ATAD2: variants seen among roughly 807,000 people sequenced by gnomAD.
ATAD2 encodes ATPase family AAA domain containing 2, also known as ATPase family AAA domain-containing protein 2.
ATAD2 carries 62 observed loss-of-function variants against 168.9 expected under a neutral mutation model. That is an observed-to-expected ratio of 0.37 (90% CI 0.30 to 0.45). ATAD2 has a LOEUF of 0.45. ATAD2 is among the 20% of genes least tolerant of loss of function. The probability of loss-of-function intolerance (pLI) is 1.00; values close to 1 mark genes in which losing one functional copy is unlikely to be tolerated. For synonymous variants in ATAD2, 613 were observed against 571.6 expected (o/e 1.07, Z -1.03); for missense variants, 1,419 against 1,667.8 (o/e 0.85, Z 2.60).
At chr8:123,345,093 A>T in intron 18 of ATAD2, 24 bp from the exon 19 acceptor site, 1 of 1,568,502 alleles carries the variant, frequency 6.4e-7, no homozygotes, top group Non-Finnish European at 8.7e-7. Context: ...AACAAAACAA[A>T]TTCAGTTAGA....
chr8:123,393,899 A>G (rs980615934), intron 1 of ATAD2, among the ~76,000 whole-genome samples: 5 of 152,292 alleles, frequency 3.3e-5, no homozygotes, highest in African/African-American at 1.2e-4. Context: ...CCTGGGTGAC[A>G]GAGCAAGATT....
At chr8:123,355,857 A>C (rs1828625303) in intron 13 of ATAD2, among the ~76,000 whole-genome samples, 1 of 152,178 alleles carries the variant, frequency 6.6e-6, no homozygotes, top group African/African-American at 2.4e-5. Context: ...TTCTATCATG[A>C]GTTAAATCTT....
chr8:123,400,077 C>G (rs936337250), upstream of ATAD2, among the ~76,000 whole-genome samples: 1 of 150,758 alleles, frequency 6.6e-6, no homozygotes, highest in Non-Finnish European at 1.5e-5. This position sits in a 1 kb window ranked among gnomAD's most constrained non-coding sequence, Gnocchi z 4.5. Context: ...GGCAGGAGAA[C>G]TGCTTGAACC....
intron 4 of ATAD2, 35 bp downstream of exon 4, chr8:123,371,635 G>A: frequency 6.4e-7 from 1 of 1,560,706 alleles, no homozygotes. Context: ...GTCTCTGACA[G>A]ATAAATCATC....
chr8:123,321,987 C>CTTTTTTTTTTTTTTTTTTTTT (rs869048943), intron 27 of ATAD2, among the ~76,000 whole-genome samples: 4 of 136,472 alleles, frequency 2.9e-5, no homozygotes, highest in African/African-American at 1.1e-4. Flanking sequence ...GTACATAAGT[C>CTTTTTTTTTTTTTTTTTTTTT]TTTTTTTTTT....
chr8:123,406,175 G>A (rs573688779), intron 1 of ATAD2, among the ~76,000 whole-genome samples: 6 of 152,088 alleles, frequency 3.9e-5, no homozygotes, highest in Non-Finnish European at 7.4e-5. Context: ...CCAGGAGTTC[G>A]AGACTAGCCT....
chr8:123,368,620 T>C lies in ATAD2; in HGVS notation c.1049+438A>G, dbSNP rs182220548. On this transcript the variant is annotated intron_variant, in intron 8 of 27. Transcript: ENST00000287394. ...ATCCAGAAAAAGATAACCAGAGTCA[T>C]GAAAGGTCTAGAGGCCATGTAGCTT... Among the ~76,000 whole-genome samples, 782 of 152,246 alleles carry C rather than the reference T, an allele frequency of 5.1e-3. 1 individual carries two copies. The highest frequency in any genetic ancestry group is 9.1e-3 in the Non-Finnish European group (619 of 67,994).
At chr8:123,333,287 A>G (rs1307199241) in intron 24 of ATAD2, among the ~76,000 whole-genome samples, 3 of 146,730 alleles carry the variant, frequency 2.0e-5, no homozygotes, top group African/African-American at 7.5e-5. Context: ...GCGGGTGCCT[A>G]TAGTCCCAGC....
chr8:123,328,231 C>G lies in ATAD2; in HGVS notation c.3827G>C (p.Ser1276Thr). ...DKIACNGDAS[S>T]SQIIHISDEN... ...ATCAGAAATATGTATTATCTGAGAG[C>G]TAGAAGCATCTCCATTACAAGCAAT... Residue 1276 changes from serine (S) to threonine (T), a missense_variant, in exon 25 of 28, where the codon AGC becomes ACC. Ser to Thr is a moderately conservative substitution (Grantham distance 58). Around this residue, in one of 5 missense-constraint regions of ATAD2, gnomAD observed 303 missense variants for 304.3 expected, o/e 1.00. Transcript: ENST00000287394. The G allele has an allele frequency of 1.4e-6, 2 of 1,469,876 alleles. No homozygotes were observed. The highest frequency in any genetic ancestry group is 9.0e-7 in the Non-Finnish European group (1 of 1,111,590). 91.1% of individuals were successfully genotyped at this position (1,469,876 alleles called of 1,614,324 possible). A position where few individuals can be genotyped will look rare whatever the true frequency, so the allele number is the denominator to read the frequency against.
intron 19 of ATAD2, 99 bp downstream of exon 19, chr8:123,344,785 T>C: frequency 1.5e-6 from 2 of 1,310,434 alleles, no homozygotes; most frequent in South Asian, 2.5e-5. Flanking sequence ...TATCCTTTTA[T>C]TCACTTCTAC....
chr8:123,325,468 A>G (rs1199548573), intron 26 of ATAD2, among the ~76,000 whole-genome samples: 1 of 151,992 alleles, frequency 6.6e-6, no homozygotes, highest in Non-Finnish European at 1.5e-5. Flanking sequence ...TTGTATTTTT[A>G]GTAGAGATGG....
Position 123,344,928 on chromosome 8 carries a change from G to C in ATAD2, c.2674C>G (p.Leu892Val). 6.2e-7 allele frequency: 1 copy of C among 1,614,128 alleles called. No individual in the cohort carries two copies. Among genetic ancestry groups the C allele is most frequent in the Non-Finnish European group, 8.5e-7 (1 of 1,180,002 alleles). Residue 892 changes from leucine to valine, a missense_variant, in exon 19 of 28, where the codon CTA becomes GTA. Around this residue, in one of 5 missense-constraint regions of ATAD2, gnomAD observed 545 missense variants for 724.9 expected, o/e 0.75. Coordinates refer to ENST00000287394, the MANE Select transcript of ATAD2 (RefSeq NM_014109.4). ...QNIPSFAPVL[L>V]LATSDKPHSA... ...TGGGGTTTGTCAGAAGTTGCAAGTA[G>C]TAAAACTGGAGCAAATGAAGGAATA... is the stretch of plus-strand genomic sequence containing the variant.
In ATAD2 at chr8:123,336,482, T is replaced by C; in HGVS notation, c.3102A>G (p.Val1034=). ...ACTTGTGTAGATCAATTTTACTGAT[T>C]ACAGATGAAAGGTCCATTGGTTGCT... is the stretch of plus-strand genomic sequence containing the variant. ...VIKQPMDLSS[V]ISKIDLHKYL... The change falls in exon 22 of 28, where the codon GTA becomes GTG. Residue 1034 remains valine, a synonymous_variant. Transcript: ENST00000287394. 6.5e-7 allele frequency: 1 copy of C among 1,547,136 alleles called. No individual in the cohort carries two copies. Among genetic ancestry groups the C allele is most frequent in the Non-Finnish European group, 8.7e-7 (1 of 1,155,508 alleles).
intron 1 of ATAD2, among the ~76,000 whole-genome samples, chr8:123,381,597 A>G (rs1376793585): frequency 6.6e-6 from 1 of 152,228 alleles, no homozygotes; most frequent in Admixed American, 6.5e-5. Context: ...AGTACAATAA[A>G]TAGACTAGAG....
At chr8:123,346,539 T>A in intron 17 of ATAD2, 79 bp downstream of exon 17, 1 of 1,329,542 alleles carries the variant, frequency 7.5e-7, no homozygotes, top group Non-Finnish European at 1.0e-6. Flanking sequence ...GTTAGCACTT[T>A]TTATTTTTTC....
intron 1 of ATAD2, among the ~76,000 whole-genome samples, chr8:123,389,920 C>A (rs2129934499): frequency 7.0e-6 from 1 of 143,500 alleles, no homozygotes; most frequent in Admixed American, 7.2e-5. Flanking sequence ...ATGCCTGGTA[C>A]ACAGCAACTG....
chr8:123,360,221 C>T (rs1001999448), intron 9 of ATAD2, among the ~76,000 whole-genome samples: 1 of 152,194 alleles, frequency 6.6e-6, no homozygotes, highest in African/African-American at 2.4e-5. Flanking sequence ...TGGTCTGTCT[C>T]CAGAGCTATA....
At chr8:123,322,882 G>A (rs1563829606) in intron 27 of ATAD2, 56 bp downstream of exon 27, 3 of 1,529,688 alleles carry the variant, frequency 2.0e-6, no homozygotes, top group Admixed American at 1.9e-5. Flanking sequence ...CTACATAAGT[G>A]ATATATTAAT....
chr8:123,400,406 G>A (rs1188942573), upstream of ATAD2, among the ~76,000 whole-genome samples: 3 of 151,550 alleles, frequency 2.0e-5, no homozygotes, highest in East Asian at 2.0e-4. This position sits in a 1 kb window ranked among gnomAD's most constrained non-coding sequence, Gnocchi z 4.5. Flanking sequence ...GTGGTGGTGC[G>A]GGCCTGTAGT....
Sources: gnomAD v4.1 joint callset for allele counts (sites outside exome capture counted in the v4.1 genomes callset) on GRCh38, gnomAD v4.1.1 for gene constraint, gnomAD v4.1.1 regional missense constraint, Gnocchi (gnomAD v3.1) non-coding constraint, MANE v1.5 for transcripts, NCBI Gene and HGNC (gene_info 2026-07-23, HGNC 2026-07-21) for gene names.